NLN: variants seen among roughly 807,000 people sequenced by gnomAD.
NLN encodes the protein neurolysin, mitochondrial.
NLN carries 64 observed loss-of-function variants against 79.9 expected under a neutral mutation model. The ratio of observed to expected loss-of-function variants is 0.80; its 90% CI spans 0.65 to 0.99. The LOEUF is 0.99. Ranked by LOEUF, NLN falls within the 50% of genes least tolerant of loss-of-function variation. The pLI is 0.00. For missense variants in NLN, 835 were observed against 858.7 expected, an observed-to-expected ratio of 0.97 and a Z score of 0.34; for synonymous variants, 267 against 296.6, an observed-to-expected ratio of 0.90 and a Z score of 1.02.
At chr5:65,809,483 C>A (rs1489951906) in intron 9 of NLN, 32 bp from the exon 10 acceptor site, 1 of 1,550,606 alleles carries the variant, frequency 6.4e-7, no homozygotes, top group Non-Finnish European at 8.7e-7. Flanking sequence ...TCATTGAGTT[C>A]TTTAAAAAAA....
In NLN at chr5:65,780,062, A is replaced by G. The variant is rs370264885; in HGVS notation, c.559-117A>G. ...GCTGGTCTTGGACTCTTGACCTCAA[A>G]TGATCCACCCACCTTAGCCTCCCAA... On this transcript the variant is annotated intron_variant, in intron 4 of 12. Transcript: ENST00000380985. The G allele has an allele frequency of 5.1e-5, 30 of 587,692 alleles. No homozygotes were observed. The East Asian group carries it at 7.7e-4, about 15-fold the overall frequency. 36.4% of individuals were successfully genotyped at this position (587,692 alleles called of 1,614,324 possible).
chr5:65,730,997 T>G (rs995967021), intron 1 of NLN, among the ~76,000 whole-genome samples: 1 of 152,274 alleles, frequency 6.6e-6, no homozygotes, highest in South Asian at 2.1e-4. Context: ...CTGACAAATC[T>G]AGATTTTGGC....
At chr5:65,753,091 C>T (rs973379988) in intron 1 of NLN, among the ~76,000 whole-genome samples, 1 of 152,084 alleles carries the variant, frequency 6.6e-6, no homozygotes, top group Non-Finnish European at 1.5e-5. Flanking sequence ...TTTAACTTTC[C>T]CACTACAAAT....
At chr5:65,813,860 G>C (rs1224546247) in intron 12 of NLN, among the ~76,000 whole-genome samples, 2 of 151,982 alleles carry the variant, frequency 1.3e-5, no homozygotes, top group African/African-American at 2.4e-5. Flanking sequence ...CCTAGGAGAG[G>C]TGGAAGCTGC....
intron 2 of NLN, among the ~76,000 whole-genome samples, chr5:65,760,415 A>G (rs1374025536): frequency 1.3e-5 from 2 of 152,218 alleles, no homozygotes; most frequent in Non-Finnish European, 2.9e-5. Flanking sequence ...GAGCTTTTCT[A>G]GCTGGCAACT....
intron 1 of NLN, among the ~76,000 whole-genome samples, chr5:65,752,229 C>G (rs1312649329): frequency 8.0e-6 from 1 of 124,358 alleles, no homozygotes; most frequent in Non-Finnish European, 1.9e-5. Flanking sequence ...GAGAGTGAGA[C>G]CCTGTTTCAA....
At chr5:65,748,644 A>C (rs767554320) in intron 1 of NLN, among the ~76,000 whole-genome samples, 1 of 152,072 alleles carries the variant, frequency 6.6e-6, no homozygotes, top group African/African-American at 2.4e-5. Flanking sequence ...AGTCCCAGCT[A>C]TTAGGGAAAT....
At chr5:65,748,707 C>T (rs368652895) in intron 1 of NLN, among the ~76,000 whole-genome samples, 6 of 152,130 alleles carry the variant, frequency 3.9e-5, no homozygotes, top group African/African-American at 1.4e-4. Flanking sequence ...GAGTTATAAT[C>T]ACACCACTGT....
intron 1 of NLN, among the ~76,000 whole-genome samples, chr5:65,723,899 A>G (rs189296202): frequency 6.6e-6 from 1 of 151,056 alleles, no homozygotes; most frequent in African/African-American, 2.4e-5. Flanking sequence ...CCGTGGACCT[A>G]AGAGCTTCTG....
intron 8 of NLN, among the ~76,000 whole-genome samples, chr5:65,791,327 G>A (rs1579954157): frequency 1.3e-5 from 2 of 152,284 alleles, no homozygotes; most frequent in East Asian, 3.9e-4. Context: ...GGAGGCCAAG[G>A]AGGGCAGATC....
chr5:65,740,824 T>TAC (rs1252986215), intron 1 of NLN: 1 of 147,270 alleles, frequency 6.8e-6, no homozygotes, highest in African/African-American at 2.5e-5. Flanking sequence ...TATATATATA[T>TAC]ATTTTATATA....
At chr5:65,767,661 C>G (rs1031423722) in intron 3 of NLN, among the ~76,000 whole-genome samples, 12 of 152,160 alleles carry the variant, frequency 7.9e-5, no homozygotes, top group African/African-American at 2.9e-4. Context: ...ATGGGTTTTT[C>G]TTTTCTACCC....
At chr5:65,804,840 A>G (rs1760372542) in intron 9 of NLN, among the ~76,000 whole-genome samples, 1 of 151,926 alleles carries the variant, frequency 6.6e-6, no homozygotes, top group African/African-American at 2.4e-5. Context: ...CAATTTTTTC[A>G]TTGTTATTGT....
At chr5:65,791,111 G>A (rs1441755637) in intron 8 of NLN, among the ~76,000 whole-genome samples, 2 of 152,166 alleles carry the variant, frequency 1.3e-5, no homozygotes, top group African/African-American at 2.4e-5. Context: ...CTTTTAAAAA[G>A]GGTATTCAGA....
chr5:65,774,547 G>A (rs758873151), intron 3 of NLN, among the ~76,000 whole-genome samples: 4 of 152,056 alleles, frequency 2.6e-5, no homozygotes, highest in Non-Finnish European at 5.9e-5. Flanking sequence ...ATGTGCTTAA[G>A]TAGCACATTT....
intron 1 of NLN, among the ~76,000 whole-genome samples, chr5:65,723,770 G>T (rs1051424913): frequency 1.5e-5 from 2 of 130,866 alleles, no homozygotes; most frequent in Non-Finnish European, 3.1e-5. Context: ...AGCCGAGATC[G>T]CACCACTGTA....
chr5:65,794,482 G>A (rs1007177301), intron 9 of NLN, among the ~76,000 whole-genome samples: 2 of 152,088 alleles, frequency 1.3e-5, no homozygotes, highest in African/African-American at 4.8e-5. Flanking sequence ...ACACACACCT[G>A]TAGTCCCAGC....
chr5:65,766,365 T>G (rs1203140818), intron 3 of NLN, among the ~76,000 whole-genome samples: 1 of 152,130 alleles, frequency 6.6e-6, no homozygotes, highest in Non-Finnish European at 1.5e-5. Flanking sequence ...ATGTCTTACA[T>G]GATGTCAGGA....
chr5:65,730,011 G>C (rs1367001760), intron 1 of NLN, among the ~76,000 whole-genome samples: 1 of 152,204 alleles, frequency 6.6e-6, no homozygotes, highest in Non-Finnish European at 1.5e-5. Context: ...CTCCGTATCT[G>C]TTTCCTCCTC....
Sources: gnomAD v4.1 joint callset for allele counts (sites outside exome capture counted in the v4.1 genomes callset) on GRCh38, gnomAD v4.1.1 for gene constraint, MANE v1.5 for transcripts, NCBI Gene and HGNC (gene_info 2026-07-23, HGNC 2026-07-21) for gene names.